Variants in EDAR observed in about 807,000 individuals in gnomAD.
The protein encoded by EDAR is ectodysplasin A receptor.
Under a neutral mutation model 51.3 loss-of-function variants are expected in EDAR, and 38 were observed. That is an observed-to-expected ratio of 0.74 (90% confidence interval 0.57 to 0.97). EDAR has a LOEUF of 0.97. Ranked by LOEUF, EDAR falls within the 50% of genes least tolerant of loss-of-function variation. The pLI is 0.00. For synonymous variants in EDAR, 227 were observed against 242.1 expected (o/e 0.94, Z 0.58); for missense variants, 528 against 595.0 (o/e 0.89, Z 1.17).
At chr2:108,911,403 G>C (rs1358262287) in intron 6 of EDAR, among the ~76,000 whole-genome samples, 1 of 152,176 alleles carries the variant, frequency 6.6e-6, no homozygotes, top group Non-Finnish European at 1.5e-5. Context: ...AGAAAGGCCA[G>C]TGAACAAGAG....
chr2:108,955,388 A>G (rs1697899844), intron 1 of EDAR, among the ~76,000 whole-genome samples: 1 of 152,172 alleles, frequency 6.6e-6, no homozygotes, highest in Non-Finnish European at 1.5e-5. Flanking sequence ...TAAAATCATA[A>G]CCCATTAATT....
intron 1 of EDAR, among the ~76,000 whole-genome samples, chr2:108,975,499 G>T (rs186910675): frequency 1.3e-5 from 2 of 152,198 alleles, no homozygotes; most frequent in Non-Finnish European, 2.9e-5. Flanking sequence ...GGGTCAACCC[G>T]CGGTAGCTTG....
rs564477144 is a variant in EDAR at position 108,923,396 on chromosome 2, G to A, written c.414C>T (p.Cys138=). ...RNIYGMVCYS[C]LLAPPNTKEC... ...CCTTGGTGTTGGGGGGTGCCAGGAG[G>A]CAGGAGTAGCAGACCATGCCATAGA... is the stretch of plus-strand genomic sequence containing the variant. Residue 138 remains cysteine (C), a synonymous_variant, in exon 5 of 12, where the codon TGC becomes TGT. Coordinates refer to ENST00000258443, the MANE Select transcript of EDAR (RefSeq NM_022336.4). 5.0e-6 allele frequency: 8 copies of A among 1,614,222 alleles called. No homozygotes were observed. In the South Asian group the frequency reaches 5.5e-5, roughly 11 times the overall value.
chr2:108,969,132 A>G (rs1698196919), intron 1 of EDAR, among the ~76,000 whole-genome samples: 1 of 152,114 alleles, frequency 6.6e-6, no homozygotes, highest in South Asian at 2.1e-4. Context: ...TGGATTCAAC[A>G]AGGGTGATGA....
intron 1 of EDAR, among the ~76,000 whole-genome samples, chr2:108,937,673 T>C (rs1262241409): frequency 1.3e-5 from 2 of 151,702 alleles, no homozygotes; most frequent in African/African-American, 4.8e-5. Context: ...TATGTGTGAG[T>C]ATAAGTGTAT....
chr2:108,983,359 G>C (rs1320896571), intron 1 of EDAR, among the ~76,000 whole-genome samples: 2 of 152,148 alleles, frequency 1.3e-5, no homozygotes, highest in South Asian at 2.1e-4. Context: ...TAAGGATTAG[G>C]ATTTTTTGGG....
Position 108,923,367 on chromosome 2 carries a change from C to G in EDAR, c.442+1G>C. The G allele has an allele frequency of 1.2e-6, 2 of 1,614,036 alleles. No homozygotes were observed. Among genetic ancestry groups the G allele is most frequent in the South Asian group, 2.2e-5 (2 of 91,084 alleles). On this transcript the variant is annotated splice_donor_variant, in intron 5 of 11. Coordinates refer to ENST00000258443, the MANE Select transcript of EDAR (RefSeq NM_022336.4). LOFTEE classifies it high-confidence loss of function. ...GCTGGTGGAAGGACAAAGACACTCACATTCCTTGGTGTTGGGGGGTGCCAG... is the reference window on the plus strand; with the variant it reads ...GCTGGTGGAAGGACAAAGACACTCAGATTCCTTGGTGTTGGGGGGTGCCAG...
chr2:108,930,334 G>A, intron 2 of EDAR, 92 bp from the exon 3 acceptor site: 6 of 1,514,266 alleles, frequency 4.0e-6, no homozygotes, highest in Non-Finnish European at 5.5e-6. Flanking sequence ...GGAAGGGGGT[G>A]CCCTGCGGTG....
chr2:108,951,982 C>T lies in EDAR; in HGVS notation c.-18-20950G>A, dbSNP rs1011896613. 2.0e-5 allele frequency among the ~76,000 whole-genome samples: 3 copies of T among 152,212 alleles called. 1 individual carries two copies. The South Asian group carries it at 6.2e-4, about 31-fold the overall frequency. On this transcript the variant is annotated intron_variant, in intron 1 of 11. Coordinates refer to ENST00000258443, the MANE Select transcript of EDAR (RefSeq NM_022336.4). ...AGGGCTTAGATCCAAGACAAAAGAC[C>T]ATGCAGGCAGGACCAAGAATATTTT...
intron 1 of EDAR, among the ~76,000 whole-genome samples, chr2:108,963,314 A>G (rs1034883922): frequency 2.0e-5 from 3 of 152,252 alleles, no homozygotes; most frequent in Non-Finnish European, 4.4e-5. Flanking sequence ...ACTATGAGAA[A>G]AGAATTCAAT....
intron 10 of EDAR, among the ~76,000 whole-genome samples, chr2:108,907,643 C>T (rs1696835946): frequency 1.6e-5 from 1 of 61,618 alleles, no homozygotes; most frequent in South Asian, 6.4e-4. Flanking sequence ...GCAAGACTCT[C>T]ATCTCCAAAA....
chr2:108,904,046 A>G (rs949338343), intron 11 of EDAR, among the ~76,000 whole-genome samples: 1 of 152,232 alleles, frequency 6.6e-6, no homozygotes, highest in African/African-American at 2.4e-5. Flanking sequence ...TGGAGAAAAC[A>G]TTTATAAAAC....
intron 3 of EDAR, 66 bp from the exon 4 acceptor site, chr2:108,929,445 A>G: frequency 6.5e-7 from 1 of 1,543,504 alleles, no homozygotes; most frequent in Non-Finnish European, 9.0e-7. Context: ...GACTCGGCCC[A>G]CAGTCCTTGG....
chr2:108,972,685 A>T (rs779060776), intron 1 of EDAR, among the ~76,000 whole-genome samples: 6 of 152,228 alleles, frequency 3.9e-5, no homozygotes, highest in Non-Finnish European at 7.3e-5. Flanking sequence ...AGAGAACTTG[A>T]CGTGATCATT....
chr2:108,962,044 C>T (rs1357782969), intron 1 of EDAR, among the ~76,000 whole-genome samples: 2 of 152,196 alleles, frequency 1.3e-5, no homozygotes, highest in Non-Finnish European at 2.9e-5. Flanking sequence ...TGGATAAAAT[C>T]CTGGAGAGAC....
intron 1 of EDAR, among the ~76,000 whole-genome samples, chr2:108,969,213 CTTTT>C (rs113574008): frequency 1.4e-5 from 2 of 148,126 alleles, no homozygotes; most frequent in Non-Finnish European, 3.0e-5. Flanking sequence ...TGACAACCTT[CTTTT>C]TTTTTTTCCT....
intron 1 of EDAR, among the ~76,000 whole-genome samples, chr2:108,974,324 C>T (rs1183202411): frequency 6.5e-5 from 6 of 93,004 alleles, no homozygotes; most frequent in African/African-American, 2.3e-4. Flanking sequence ...AGCGAGGATC[C>T]GTCTCAAAAA....
At chr2:108,897,426 G>A (rs1314067365) in intron 11 of EDAR, among the ~76,000 whole-genome samples, 197 bp from the exon 12 acceptor site, 2 of 151,996 alleles carry the variant, frequency 1.3e-5, no homozygotes, top group Non-Finnish European at 2.9e-5. Context: ...ACAAGAGAGG[G>A]CTGTGCATGT....
At chr2:108,912,486 G>A (rs533659699) in intron 6 of EDAR, among the ~76,000 whole-genome samples, 192 bp downstream of exon 6, 2 of 152,290 alleles carry the variant, frequency 1.3e-5, no homozygotes, top group Admixed American at 6.5e-5. Flanking sequence ...ACCCATAGAG[G>A]GATCAACTCT....
Sources: allele counts gnomAD v4.1 joint callset (sites outside exome capture counted in the v4.1 genomes callset), GRCh38; gene constraint gnomAD v4.1.1; transcripts MANE v1.5; gene names NCBI Gene and HGNC (gene_info 2026-07-23, HGNC 2026-07-21).